The following PDE11A variants were observed in gnomAD, a reference collection of about 807,000 sequenced individuals.
PDE11A encodes phosphodiesterase 11A, also known as dual 3',5'-cyclic-AMP and -GMP phosphodiesterase 11A.
Under a neutral mutation model 100.5 loss-of-function variants are expected in PDE11A, and 100 were observed. The ratio of observed to expected loss-of-function variants is 1.00; its 90% CI spans 0.85 to 1.18. The LOEUF is 1.18. Ranked by LOEUF, PDE11A falls within the 50% of genes most tolerant of loss-of-function variation. The probability of loss-of-function intolerance (pLI) is 0.00; values close to 1 mark genes in which losing one functional copy is unlikely to be tolerated. For missense variants in PDE11A, 1,141 were observed against 1,152.6 expected (o/e 0.99, Z 0.15); for synonymous variants, 381 against 420.8 (o/e 0.91, Z 1.16).
intron 19 of PDE11A, among the ~76,000 whole-genome samples, chr2:177,660,419 G>T (rs1320627356): frequency 6.6e-6 from 1 of 151,948 alleles, no homozygotes. Flanking sequence ...AGCCTCTCTC[G>T]TTGACAATAT....
upstream of PDE11A, chr2:178,072,849 A>T (rs2087157558): frequency 8.6e-7 from 1 of 1,160,700 alleles, no homozygotes; most frequent in African/African-American, 1.6e-5. Context: ...GCCTGGAGGG[A>T]GGAGAGAAGA....
chr2:177,875,393 T>A (rs556386066), intron 5 of PDE11A, among the ~76,000 whole-genome samples: 22 of 152,032 alleles, frequency 1.4e-4, no homozygotes, highest in Non-Finnish European at 2.4e-4. Flanking sequence ...ATTTTATTTT[T>A]TTGAGGCAGA....
intron 1 of PDE11A, among the ~76,000 whole-genome samples, chr2:178,019,760 T>C (rs912741328): frequency 1.3e-5 from 2 of 152,064 alleles, no homozygotes; most frequent in African/African-American, 2.4e-5. Context: ...TCCTGATGAA[T>C]TGGTTGGGAG....
At chr2:177,703,136 C>T (rs180760744) in intron 13 of PDE11A, among the ~76,000 whole-genome samples, 94 of 152,006 alleles carry the variant, frequency 6.2e-4, no homozygotes, top group East Asian at 4.2e-3. Flanking sequence ...GTTACTATGT[C>T]GAGAGATTAC....
chr2:177,932,193 T>A (rs2085216897), intron 2 of PDE11A, among the ~76,000 whole-genome samples: 1 of 151,944 alleles, frequency 6.6e-6, no homozygotes, highest in Non-Finnish European at 1.5e-5. Flanking sequence ...CCAAATAAAA[T>A]CTCTGGACCA....
chr2:177,959,382 T>A (rs1236637711), intron 2 of PDE11A, among the ~76,000 whole-genome samples: 1 of 152,130 alleles, frequency 6.6e-6, no homozygotes, highest in Non-Finnish European at 1.5e-5. Flanking sequence ...TGCATAAAAG[T>A]GCCATGATCT....
intron 12 of PDE11A, among the ~76,000 whole-genome samples, chr2:177,717,570 C>A (rs2081459308): frequency 6.6e-6 from 1 of 151,970 alleles, no homozygotes; most frequent in Non-Finnish European, 1.5e-5. Flanking sequence ...CACCTGTATT[C>A]CCTCACAGTT....
intron 2 of PDE11A, chr2:177,998,761 C>T: frequency 1.3e-6 from 1 of 798,298 alleles, no homozygotes; most frequent in Admixed American, 1.9e-5. Flanking sequence ...AGCTCCTCTA[C>T]CATCGGCATG....
chr2:177,731,771 A>G (rs1156528652), intron 10 of PDE11A, among the ~76,000 whole-genome samples: 1 of 152,150 alleles, frequency 6.6e-6, no homozygotes, highest in Non-Finnish European at 1.5e-5. Flanking sequence ...GGAGGAGTCT[A>G]TGGTATAAAT....
rs57261659 is a variant in PDE11A at position 177,782,922 on chromosome 2, AAAACAAAC to A, written c.1738-13557_1738-13550del. 5.7e-3 allele frequency among the ~76,000 whole-genome samples: 857 copies of A among 150,414 alleles called. 14 individuals carry two copies. Among genetic ancestry groups the A allele is most frequent in the African/African-American group, 0.019 (759 of 40,840 alleles). On this transcript the variant is annotated intron_variant, in intron 9 of 19. Transcript: ENST00000286063. ...AAAAGACAAATTATGAAGTTGCATC[AAAACAAAC>A]AAACAAACAAACAAACAAACAAGCA... is the stretch of plus-strand genomic sequence containing the variant.
intron 10 of PDE11A, among the ~76,000 whole-genome samples, chr2:177,747,548 T>C (rs2081966682): frequency 6.6e-6 from 1 of 152,218 alleles, no homozygotes; most frequent in African/African-American, 2.4e-5. Context: ...AAGAAGTCAA[T>C]TCTGGCGGTG....
intron 13 of PDE11A, among the ~76,000 whole-genome samples, chr2:177,702,201 A>G (rs1158486991): frequency 6.6e-6 from 1 of 151,988 alleles, no homozygotes; most frequent in Non-Finnish European, 1.5e-5. Flanking sequence ...CAAAGCGTTC[A>G]TTACTTGGGA....
intron 19 of PDE11A, among the ~76,000 whole-genome samples, chr2:177,663,146 G>T (rs146028624): frequency 3.3e-5 from 5 of 150,996 alleles, no homozygotes; most frequent in African/African-American, 1.2e-4. Flanking sequence ...AACTGTTAGT[G>T]TTAACTGATG....
intron 6 of PDE11A, among the ~76,000 whole-genome samples, chr2:177,822,795 C>CT (rs2083160924): frequency 6.6e-6 from 1 of 152,152 alleles, no homozygotes; most frequent in African/African-American, 2.4e-5. Flanking sequence ...AGTGTTCTTA[C>CT]ACATAATTTG....
intron 9 of PDE11A, among the ~76,000 whole-genome samples, chr2:177,812,932 C>T (rs1450914465): frequency 2.4e-5 from 2 of 84,352 alleles, no homozygotes; most frequent in Non-Finnish European, 2.4e-5. Flanking sequence ...TTGTATCCAA[C>T]ACTGGCCTGC....
In PDE11A at chr2:178,096,169, C is replaced by CTTTTCTTTTTTT. The variant is rs763493838; in HGVS notation, c.162+8132_162+8133insAAAAAAAGAAAA. Among the ~76,000 whole-genome samples the CTTTTCTTTTTTT allele has an allele frequency of 5.4e-3, 645 of 120,076 alleles. 12 individuals carry two copies. The highest frequency in any genetic ancestry group is 8.8e-3 in the Non-Finnish European group (502 of 56,734). The allele number at this position is 120,076 out of a possible 152,430, so 78.8% of individuals were successfully genotyped here. A position where few individuals can be genotyped will look rare whatever the true frequency, so the allele number is the denominator to read the frequency against. On this transcript the variant is annotated intron_variant, in intron 2 of 20. Transcript: ENST00000358450. ...AGAAAACAGGTTTTTCTTTTCTTTT[C>CTTTTCTTTTTTT]TTTTTTTTTTTTGAGATGGAGTCTC...
At chr2:177,897,938 C>T (rs2084634727) in intron 4 of PDE11A, 120 bp downstream of exon 4, 3 of 830,660 alleles carry the variant, frequency 3.6e-6, no homozygotes, top group Non-Finnish European at 4.1e-6. Flanking sequence ...AAAAGTTGCC[C>T]CATGGTTGAA....
chr2:177,981,719 A>G (rs897966352), intron 2 of PDE11A, among the ~76,000 whole-genome samples: 2 of 150,992 alleles, frequency 1.3e-5, no homozygotes, highest in South Asian at 2.1e-4. Context: ...AACTCACCCT[A>G]TAACAATTAT....
intron 2 of PDE11A, among the ~76,000 whole-genome samples, chr2:178,079,840 C>T (rs1485638131): frequency 6.6e-6 from 1 of 152,160 alleles, no homozygotes; most frequent in African/African-American, 2.4e-5. Flanking sequence ...AGAAACAATT[C>T]TGACTGGCAT....
Sources: allele counts gnomAD v4.1 joint callset (sites outside exome capture counted in the v4.1 genomes callset), GRCh38; gene constraint gnomAD v4.1.1; transcripts MANE v1.5; gene names NCBI Gene and HGNC (gene_info 2026-07-23, HGNC 2026-07-21).